Variants in PLCL2 observed in about 807,000 individuals in gnomAD.
PLCL2 encodes phospholipase C like 2.
In PLCL2, 4 loss-of-function variants were observed where a neutral mutation model predicts 79.6. That is an observed-to-expected ratio of 0.05 (90% confidence interval 0.02 to 0.11). The LOEUF is 0.11. PLCL2 is among the 10% of genes least tolerant of loss of function. The pLI is 1.00. For missense variants in PLCL2, 895 were observed against 1,291.0 expected (o/e 0.69, Z 4.70); for synonymous variants, 484 against 457.7 (o/e 1.06, Z -0.73).
chr3:17,068,078 T>G lies in PLCL2; in HGVS notation c.3204+13T>G. The G allele has an allele frequency of 1.4e-6, 2 of 1,412,002 alleles. 1 individual carries two copies. The highest frequency in any genetic ancestry group is 2.4e-5 in the South Asian group (2 of 84,542). 87.5% of individuals were successfully genotyped at this position (1,412,002 alleles called of 1,614,324 possible). ...TACCATCTTAAAGGTATCTATAGAG[T>G]TGTTTCTGATGCTGGTGATTTTGCA... On this transcript the variant is annotated intron_variant, in intron 5 of 5. Coordinates refer to ENST00000615277, the MANE Select transcript of PLCL2 (RefSeq NM_001144382.2).
intron 1 of PLCL2, among the ~76,000 whole-genome samples, chr3:16,908,022 G>A (rs1348109): frequency 0.56 from 84,288 of 151,864 alleles, 23,529 homozygotes; most frequent in Middle Eastern, 0.64. Flanking sequence ...ATACTGTGTG[G>A]GCTGATTTGA....
At chr3:16,927,302 A>T (rs887747232) in intron 1 of PLCL2, among the ~76,000 whole-genome samples, 1 of 152,214 alleles carries the variant, frequency 6.6e-6, no homozygotes, top group African/African-American at 2.4e-5. Flanking sequence ...TGATTGCTCC[A>T]TAATATTATG....
chr3:16,936,107 A>G (rs909650524), intron 1 of PLCL2, among the ~76,000 whole-genome samples: 12 of 152,246 alleles, frequency 7.9e-5, no homozygotes, highest in African/African-American at 2.4e-4. Flanking sequence ...AGCCTTGACC[A>G]CAGTATTAAA....
chr3:17,014,936 A>G (rs1049657905), intron 3 of PLCL2, 25 bp downstream of exon 3: 2 of 1,580,268 alleles, frequency 1.3e-6, no homozygotes, highest in Admixed American at 1.7e-5. Flanking sequence ...GTCCGTTTAC[A>G]TAGCCTGGGT....
At chr3:16,968,954 C>T (rs943629966) in intron 1 of PLCL2, among the ~76,000 whole-genome samples, 11 of 151,960 alleles carry the variant, frequency 7.2e-5, no homozygotes, top group East Asian at 1.9e-4. Flanking sequence ...GTTTTTAACA[C>T]GAAGGATGTT....
chr3:16,984,980 A>G (rs1352561857), intron 1 of PLCL2, among the ~76,000 whole-genome samples: 2 of 152,164 alleles, frequency 1.3e-5, no homozygotes, highest in Admixed American at 6.5e-5. Context: ...TCATGAATAA[A>G]TAGATTACTT....
intron 3 of PLCL2, among the ~76,000 whole-genome samples, chr3:17,015,508 G>A (rs959292588): frequency 3.3e-4 from 51 of 152,250 alleles, no homozygotes; most frequent in African/African-American, 9.6e-4. Flanking sequence ...TGCTCTTACT[G>A]TAATTTTTTT....
chr3:17,063,687 A>G (rs543796625), intron 4 of PLCL2, among the ~76,000 whole-genome samples: 12 of 152,064 alleles, frequency 7.9e-5, no homozygotes, highest in East Asian at 1.9e-4. Flanking sequence ...CCCTCCTCAC[A>G]TGCTCTTTAA....
chr3:16,945,212 C>T (rs2063589114), intron 1 of PLCL2, among the ~76,000 whole-genome samples: 1 of 148,562 alleles, frequency 6.7e-6, no homozygotes, highest in Non-Finnish European at 1.5e-5. Flanking sequence ...ACCCTATCAC[C>T]TGTTTAAAAT....
chr3:17,006,404 CTTCTCCTGTA>C (rs1475835448), intron 1 of PLCL2, among the ~76,000 whole-genome samples: 1 of 152,246 alleles, frequency 6.6e-6, no homozygotes, highest in East Asian at 1.9e-4. Context: ...ATTTCGCCAG[CTTCTCCTGTA>C]TTCACATCCA....
At chr3:16,906,358 A>G (rs1696752600) in intron 1 of PLCL2, among the ~76,000 whole-genome samples, 1 of 152,124 alleles carries the variant, frequency 6.6e-6, no homozygotes, top group Admixed American at 6.5e-5. Flanking sequence ...CTCTCAATCT[A>G]TTATTTTTGA....
chr3:16,950,201 A>G (rs1284732118), intron 1 of PLCL2, among the ~76,000 whole-genome samples: 2 of 152,234 alleles, frequency 1.3e-5, no homozygotes, highest in African/African-American at 4.8e-5. Flanking sequence ...TAGGGATTAT[A>G]TGAATTTTAT....
intron 1 of PLCL2, among the ~76,000 whole-genome samples, chr3:16,917,583 C>A (rs1837698): frequency 0.41 from 62,678 of 151,940 alleles, 13,119 homozygotes; most frequent in East Asian, 0.61. Context: ...GATAGCAGGA[C>A]TGTTGGGCTC....
At chr3:16,927,998 A>C (rs1697297797) in intron 1 of PLCL2, among the ~76,000 whole-genome samples, 1 of 152,240 alleles carries the variant, frequency 6.6e-6, no homozygotes, top group African/African-American at 2.4e-5. Flanking sequence ...AGGATGGAAC[A>C]TACTCCCATT....
intron 5 of PLCL2, among the ~76,000 whole-genome samples, chr3:17,083,351 A>G (rs555448673): frequency 6.9e-4 from 105 of 152,294 alleles, no homozygotes; most frequent in Non-Finnish European, 1.3e-3. Context: ...GTGCATAGAC[A>G]TTGAGGTTGG....
At chr3:17,015,343 T>G (rs2064372367) in intron 3 of PLCL2, among the ~76,000 whole-genome samples, 1 of 152,244 alleles carries the variant, frequency 6.6e-6, no homozygotes, top group Admixed American at 6.5e-5. Flanking sequence ...CTGTATCACA[T>G]GACTCTGCAC....
At chr3:16,894,367 A>G (rs1696421164) in intron 1 of PLCL2, among the ~76,000 whole-genome samples, 1 of 152,176 alleles carries the variant, frequency 6.6e-6, no homozygotes, top group Non-Finnish European at 1.5e-5. Context: ...TGATTTGTTG[A>G]AAGAGATCTG....
At chr3:17,046,621 C>T (rs942659853) in intron 4 of PLCL2, among the ~76,000 whole-genome samples, 3 of 152,260 alleles carry the variant, frequency 2.0e-5, no homozygotes, top group Non-Finnish European at 4.4e-5. Context: ...ACTCTAAAAC[C>T]TCATTAAAAT....
intron 1 of PLCL2, among the ~76,000 whole-genome samples, chr3:16,905,908 C>G (rs1696741369): frequency 6.6e-6 from 1 of 152,168 alleles, no homozygotes; most frequent in African/African-American, 2.4e-5. Context: ...GCCCATAACT[C>G]TCCAGGCCCA....
Sources: gnomAD v4.1 joint callset for allele counts (sites outside exome capture counted in the v4.1 genomes callset) on GRCh38, gnomAD v4.1.1 for gene constraint, MANE v1.5 for transcripts, NCBI Gene and HGNC (gene_info 2026-07-23, HGNC 2026-07-21) for gene names.